VAT1L: variants seen among roughly 807,000 people sequenced by gnomAD.
The protein encoded by VAT1L is vesicle amine transport 1 like.
VAT1L carries 34 observed loss-of-function variants against 44.1 expected under a neutral mutation model. That is an observed-to-expected ratio of 0.77 (90% confidence interval 0.59 to 1.03). The LOEUF is 1.03. VAT1L is among the 50% of genes least tolerant of loss of function. The pLI, the probability that VAT1L is intolerant of heterozygous loss-of-function variation, is 0.00. For synonymous variants in VAT1L, 253 were observed against 202.2 expected (o/e 1.25, Z -2.13); for missense variants, 615 against 538.8 (o/e 1.14, Z -1.40).
intron 7 of VAT1L, chr16:77,892,371 T>C (rs899418282): frequency 1.4e-5 from 5 of 366,870 alleles, no homozygotes; most frequent in African/African-American, 1.1e-4. Context: ...GAGCACAGTG[T>C]GGGGCAAGGA....
intron 1 of VAT1L, among the ~76,000 whole-genome samples, chr16:77,793,909 T>G (rs997633566): frequency 1.3e-5 from 2 of 152,210 alleles, no homozygotes; most frequent in East Asian, 3.8e-4. Context: ...GGAACTGAGT[T>G]GGCTGCAATA....
chr16:77,796,164 CA>C (rs963462363), intron 1 of VAT1L, among the ~76,000 whole-genome samples: 1 of 152,140 alleles, frequency 6.6e-6, no homozygotes, highest in African/African-American at 2.4e-5. Flanking sequence ...GCTTTACTTA[CA>C]AAATGGAGAT....
chr16:77,890,420 C>T (rs1051313979), intron 7 of VAT1L, among the ~76,000 whole-genome samples: 1 of 152,050 alleles, frequency 6.6e-6, no homozygotes, highest in Non-Finnish European at 1.5e-5. Context: ...AGGGGGATTG[C>T]TGTTGGAGAG....
At chr16:77,918,361 A>T (rs922117225) in intron 7 of VAT1L, among the ~76,000 whole-genome samples, 1 of 152,208 alleles carries the variant, frequency 6.6e-6, no homozygotes, top group African/African-American at 2.4e-5. Context: ...TCTCCTCAGC[A>T]GGCACATATT....
intron 7 of VAT1L, among the ~76,000 whole-genome samples, chr16:77,957,911 A>G (rs1197248962): frequency 6.6e-6 from 1 of 151,632 alleles, no homozygotes; most frequent in African/African-American, 2.4e-5. Flanking sequence ...TTGGGTTATT[A>G]ATGCATTTAT....
chr16:77,968,676 G>C (rs956390461), intron 7 of VAT1L, among the ~76,000 whole-genome samples: 7 of 151,736 alleles, frequency 4.6e-5, no homozygotes, highest in African/African-American at 1.7e-4. Flanking sequence ...AGTGAGCCAA[G>C]ATCACGCCAC....
chr16:77,872,806 G>C (rs905422378), intron 4 of VAT1L, among the ~76,000 whole-genome samples: 1 of 152,174 alleles, frequency 6.6e-6, no homozygotes, highest in Non-Finnish European at 1.5e-5. Context: ...TGGATGGTGA[G>C]GGCAAACTTC....
intron 7 of VAT1L, among the ~76,000 whole-genome samples, chr16:77,936,181 G>A (rs767305781): frequency 2.0e-5 from 3 of 152,158 alleles, no homozygotes; most frequent in Non-Finnish European, 4.4e-5. Flanking sequence ...GCCATGGCCT[G>A]GAATAGCAAG....
rs570719811 is a variant in VAT1L at position 77,969,035 on chromosome 16, T to A, written c.1078-2815T>A. On this transcript the variant is annotated intron_variant, in intron 7 of 8. Transcript: ENST00000302536. ...GGTTTCCCCATGTTGGCCAGGCTGGTCTTGAACTCCTAACCTCAAGTGATC... is the reference window on the plus strand; with the variant it reads ...GGTTTCCCCATGTTGGCCAGGCTGGACTTGAACTCCTAACCTCAAGTGATC... 8.6e-4 allele frequency among the ~76,000 whole-genome samples: 131 copies of A among 152,224 alleles called. 4 individuals are homozygous for A. Among genetic ancestry groups the A allele is most frequent in the Admixed American group, 8.4e-3 (129 of 15,290 alleles).
At chr16:77,930,730 TC>T (rs2017722339) in intron 7 of VAT1L, among the ~76,000 whole-genome samples, 1 of 152,110 alleles carries the variant, frequency 6.6e-6, no homozygotes, top group South Asian at 2.1e-4. Flanking sequence ...AATGGACATC[TC>T]CTCTTGGCCT....
intron 4 of VAT1L, among the ~76,000 whole-genome samples, chr16:77,869,852 T>C (rs776229897): frequency 6.6e-6 from 1 of 152,200 alleles, no homozygotes; most frequent in Non-Finnish European, 1.5e-5. Context: ...TGAATCTTGC[T>C]ATCTGCTTCA....
At chr16:77,975,751 T>C (rs2018333247) in intron 8 of VAT1L, among the ~76,000 whole-genome samples, 1 of 152,240 alleles carries the variant, frequency 6.6e-6, no homozygotes. Flanking sequence ...AAACTCATCC[T>C]ATGATGTGTC....
intron 6 of VAT1L, among the ~76,000 whole-genome samples, chr16:77,883,877 G>A (rs1158572404): frequency 6.6e-6 from 1 of 152,050 alleles, no homozygotes; most frequent in African/African-American, 2.4e-5. Context: ...CCTCCATCAT[G>A]TTCCCCACCA....
In VAT1L at chr16:77,879,316, G is replaced by GCGT; in HGVS notation, c.882+94_882+96dup. Reference sequence around the variant, plus strand: ...TTGTTTGTTTGTTTGTTTTGAGACAGCGTCTCGTTCTGTCACCAGGCTGGA... The same window carrying GCGT: ...TTGTTTGTTTGTTTGTTTTGAGACAGCGTCGTCTCGTTCTGTCACCAGGCTGGA... On this transcript the variant is annotated intron_variant, in intron 6 of 8. Transcript: ENST00000302536. This position sits in a 1 kb window ranked among gnomAD's most constrained non-coding sequence, Gnocchi z 4.1. 5 of 1,398,942 alleles carry GCGT rather than the reference G, an allele frequency of 3.6e-6. No individual in the cohort carries two copies. Among genetic ancestry groups the GCGT allele is most frequent in the Non-Finnish European group, 5.1e-6 (5 of 987,262 alleles). The allele number at this position is 1,398,942 out of a possible 1,614,324, so 86.7% of individuals were successfully genotyped here.
intron 5 of VAT1L, 39 bp downstream of exon 5, chr16:77,876,512 G>T: frequency 6.3e-7 from 1 of 1,575,620 alleles, no homozygotes; most frequent in South Asian, 1.1e-5. Context: ...GTCAGCAATA[G>T]GTACCTCTAC....
chr16:77,861,620 C>G (rs896441305), intron 3 of VAT1L, among the ~76,000 whole-genome samples: 17 of 152,302 alleles, frequency 1.1e-4, no homozygotes, highest in African/African-American at 3.6e-4. Flanking sequence ...TTTACACTTC[C>G]CTGTAGAAGA....
chr16:77,933,904 C>A (rs1024337674), intron 7 of VAT1L, among the ~76,000 whole-genome samples: 2 of 152,124 alleles, frequency 1.3e-5, no homozygotes, highest in African/African-American at 2.4e-5. Context: ...GAGGCACAAT[C>A]GGGAATCTGG....
At chr16:77,822,830 C>A (rs78974596) in intron 2 of VAT1L, among the ~76,000 whole-genome samples, 1 of 152,236 alleles carries the variant, frequency 6.6e-6, no homozygotes, top group Non-Finnish European at 1.5e-5. Flanking sequence ...AGAAGACACA[C>A]TGGGGCAGAG....
chr16:77,805,227 T>G (rs1264431044), intron 1 of VAT1L, among the ~76,000 whole-genome samples: 1 of 152,212 alleles, frequency 6.6e-6, no homozygotes, highest in Non-Finnish European at 1.5e-5. Flanking sequence ...ACAGTGTCCT[T>G]GCTTTGGTCA....
Sources: gnomAD v4.1 joint callset for allele counts (sites outside exome capture counted in the v4.1 genomes callset) on GRCh38, gnomAD v4.1.1 for gene constraint, Gnocchi (gnomAD v3.1) non-coding constraint, MANE v1.5 for transcripts, NCBI Gene and HGNC (gene_info 2026-07-23, HGNC 2026-07-21) for gene names.